CACNA1E: variants seen among roughly 807,000 people sequenced by gnomAD.
The protein encoded by CACNA1E is voltage-dependent R-type calcium channel subunit alpha-1E.
CACNA1E carries 40 observed loss-of-function variants against 259.2 expected under a neutral mutation model. The observed-to-expected ratio is 0.15, with a 90% CI of 0.12 to 0.20. The LOEUF (loss-of-function observed/expected upper bound fraction) is 0.20. CACNA1E is among the 10% of genes least tolerant of loss of function. CACNA1E has a pLI of 1.00. For missense variants in CACNA1E, 1,874 were observed against 3,040.1 expected (o/e 0.62, Z 9.02); for synonymous variants, 1,104 against 1,138.5 (o/e 0.97, Z 0.61).
rs1475932308 is a variant in CACNA1E at position 181,732,495 on chromosome 1, G to A, written c.2409G>A (p.Pro803=). The part of the protein sequence containing the change: ...SQEALNREEA[P]TMNPLNPLNP... ...AGGCCCTCAACAGAGAGGAGGCGCC[G>A]ACCATGAACCCGCTCAACCCCCTCA... The change falls in exon 20 of 48, where the codon CCG becomes CCA. Residue 803 remains proline, a synonymous_variant. Transcript: ENST00000367573. This position sits in a 1 kb window ranked among gnomAD's most constrained non-coding sequence, Gnocchi z 5.5. The A allele has an allele frequency of 6.4e-6, 10 of 1,551,310 alleles. No individual in the cohort carries two copies. Among genetic ancestry groups the A allele is most frequent in the East Asian group, 4.9e-5 (2 of 40,870 alleles).
rs574744054 is a variant in CACNA1E at position 181,613,310 on chromosome 1, T to C, written c.951+32534T>C. 2.0e-5 allele frequency among the ~76,000 whole-genome samples: 3 copies of C among 152,288 alleles called. No individual in the cohort carries two copies. The East Asian group carries it at 5.8e-4, about 29-fold the overall frequency. On this transcript the variant is annotated intron_variant, in intron 6 of 47. Transcript: ENST00000367573. ...CTGGGCAAAAATCCACATATAACTT[T>C]TGAGACCCCCCAAACTTAACTACTA...
intron 35 of CACNA1E, among the ~76,000 whole-genome samples, chr1:181,767,493 TG>T (rs1659123835): frequency 6.6e-6 from 1 of 152,222 alleles, no homozygotes; most frequent in African/African-American, 2.4e-5. Context: ...TCAGGCAGTC[TG>T]GCTGCCTTGG....
At chr1:181,385,783 C>T (rs186171268) in intron 1 of CACNA1E, among the ~76,000 whole-genome samples, 141 of 151,140 alleles carry the variant, frequency 9.3e-4, no homozygotes, top group African/African-American at 2.5e-3. Context: ...TCCCTCCCTC[C>T]TTTCTTCCCT....
At chr1:181,332,566 C>T (rs1370696759) in intron 1 of CACNA1E, among the ~76,000 whole-genome samples, 1 of 152,194 alleles carries the variant, frequency 6.6e-6, no homozygotes, top group Non-Finnish European at 1.5e-5. Context: ...GAGATTTGCA[C>T]TGTTATCAGC....
chr1:181,694,482 G>A (rs1422016256), intron 7 of CACNA1E, among the ~76,000 whole-genome samples: 1 of 152,184 alleles, frequency 6.6e-6, no homozygotes, highest in African/African-American at 2.4e-5. Context: ...CTGCCCTCGT[G>A]AATGGATTAA....
intron 2 of CACNA1E, among the ~76,000 whole-genome samples, chr1:181,477,830 G>C (rs561685080): frequency 1.3e-4 from 20 of 152,308 alleles, no homozygotes; most frequent in African/African-American, 4.3e-4. Context: ...GCAAGGTACT[G>C]ATCTAAGAGC....
chr1:181,521,568 C>T (rs1666996410), intron 3 of CACNA1E, among the ~76,000 whole-genome samples: 1 of 152,166 alleles, frequency 6.6e-6, no homozygotes, highest in Non-Finnish European at 1.5e-5. Flanking sequence ...ATTAGTTGAG[C>T]ACATCCTGTG....
chr1:181,451,846 G>A (rs1435017226), intron 2 of CACNA1E, among the ~76,000 whole-genome samples: 2 of 152,178 alleles, frequency 1.3e-5, no homozygotes, highest in Non-Finnish European at 2.9e-5. Context: ...TTTACCCTAC[G>A]AGAAGTGGGG....
At chr1:181,655,988 A>G (rs899647738) in intron 7 of CACNA1E, among the ~76,000 whole-genome samples, 8 of 152,178 alleles carry the variant, frequency 5.3e-5, no homozygotes, top group African/African-American at 1.9e-4. Context: ...TCATCTTAAC[A>G]TCATAGTGCA....
At chr1:181,556,609 C>T (rs913451191) in intron 3 of CACNA1E, among the ~76,000 whole-genome samples, 12 of 152,158 alleles carry the variant, frequency 7.9e-5, no homozygotes, top group Non-Finnish European at 1.6e-4. Context: ...AGGACCTTCT[C>T]CCCTAAAGAG....
intron 2 of CACNA1E, among the ~76,000 whole-genome samples, chr1:181,424,320 C>G (rs1417619955): frequency 6.6e-6 from 1 of 152,194 alleles, no homozygotes; most frequent in Non-Finnish European, 1.5e-5. Flanking sequence ...TAAGATGATC[C>G]TTTGGGGAAC....
At chr1:181,340,054 C>CTTT (rs10660034) in intron 1 of CACNA1E, among the ~76,000 whole-genome samples, 47 of 147,846 alleles carry the variant, frequency 3.2e-4, no homozygotes, top group South Asian at 6.4e-4. Flanking sequence ...AAAAATTATA[C>CTTT]TTTTTTTTTT....
intron 1 of CACNA1E, among the ~76,000 whole-genome samples, chr1:181,488,988 A>G (rs1441970750): frequency 2.6e-5 from 4 of 152,152 alleles, no homozygotes; most frequent in African/African-American, 9.7e-5. Context: ...AATAAAACTG[A>G]GTGAAGCTTT....
At chr1:181,336,597 CA>C (rs1439293483) in intron 1 of CACNA1E, among the ~76,000 whole-genome samples, 3 of 152,144 alleles carry the variant, frequency 2.0e-5, no homozygotes, top group African/African-American at 7.2e-5. Flanking sequence ...TCATGTTAGC[CA>C]TTTTTAAGTG....
At chr1:181,531,569 G>T (rs987693972) in intron 3 of CACNA1E, among the ~76,000 whole-genome samples, 5 of 152,192 alleles carry the variant, frequency 3.3e-5, no homozygotes. Context: ...TGGGCAGGGC[G>T]GGAGGTATGG....
chr1:181,726,594 G>A (rs77930140), intron 18 of CACNA1E, among the ~76,000 whole-genome samples: 5,345 of 152,254 alleles, frequency 0.035, 149 homozygotes, highest in Non-Finnish European at 0.054. Flanking sequence ...AATAGAGAAA[G>A]GGCCAGGGAG....
intron 2 of CACNA1E, among the ~76,000 whole-genome samples, chr1:181,415,301 C>G (rs557902560): frequency 3.3e-4 from 51 of 152,266 alleles, no homozygotes; most frequent in African/African-American, 1.2e-3. Context: ...CTAAGTTAAA[C>G]TTTACTGATT....
chr1:181,715,518 C>G, intron 9 of CACNA1E, 127 bp downstream of exon 9: 3 of 640,760 alleles, frequency 4.7e-6, no homozygotes, highest in Non-Finnish European at 8.4e-6. Context: ...GAGAGTCTTT[C>G]TGTCATAAAA....
At chr1:181,788,555 T>C (rs1661036506) in intron 43 of CACNA1E, among the ~76,000 whole-genome samples, 1 of 152,062 alleles carries the variant, frequency 6.6e-6, no homozygotes, top group South Asian at 2.1e-4. Flanking sequence ...ACTCTTAGAG[T>C]GGCCTCTACT....
Sources: allele counts gnomAD v4.1 joint callset (sites outside exome capture counted in the v4.1 genomes callset), GRCh38; gene constraint gnomAD v4.1.1; non-coding constraint Gnocchi (gnomAD v3.1); transcripts MANE v1.5; gene names NCBI Gene and HGNC (gene_info 2026-07-23, HGNC 2026-07-21).